STAG2: variants seen among roughly 807,000 people sequenced by gnomAD.
The protein encoded by STAG2 is cohesin subunit SA-2.
Under a neutral mutation model 108.1 loss-of-function variants are expected in STAG2, and 14 were observed. That is an observed-to-expected ratio of 0.13 (90% CI 0.09 to 0.20). The LOEUF (loss-of-function observed/expected upper bound fraction) is 0.20, where lower values mean the gene tolerates loss of function less well. Ranked by LOEUF, STAG2 falls within the 10% of genes least tolerant of loss-of-function variation. The pLI is 1.00. For synonymous variants in STAG2, 307 were observed against 302.7 expected, an observed-to-expected ratio of 1.01 and a Z score of -0.15; for missense variants, 440 against 940.9, an observed-to-expected ratio of 0.47 and a Z score of 6.96.
chrX:124,067,540 C>T (rs754276305), intron 23 of STAG2, among the ~76,000 whole-genome samples: 1 of 111,106 alleles, frequency 9.0e-6, no homozygotes, highest in South Asian at 3.8e-4. Flanking sequence ...GCTGGGATTA[C>T]AAGCCTGAGC....
chrX:123,998,791 A>C (rs1034009638), intron 1 of STAG2, among the ~76,000 whole-genome samples: 1 of 111,906 alleles, frequency 8.9e-6, no homozygotes, highest in Non-Finnish European at 1.9e-5. Context: ...GTATATGTAC[A>C]TTGTAGAAAA....
chrX:124,053,092 C>A (rs908315451), intron 13 of STAG2, among the ~76,000 whole-genome samples: 1 of 112,033 alleles, frequency 8.9e-6, no homozygotes, highest in African/African-American at 3.2e-5. Context: ...GCTGGGATTA[C>A]AGGCATGAGC....
At chrX:124,043,324 G>T (rs1269746075) in intron 7 of STAG2, among the ~76,000 whole-genome samples, 2 of 109,068 alleles carry the variant, frequency 1.8e-5, no homozygotes, top group African/African-American at 6.7e-5. Flanking sequence ...AGACATGGTG[G>T]GGGGTGGTGG....
At chrX:123,991,738 C>T (rs762275669) in intron 1 of STAG2, among the ~76,000 whole-genome samples, 46 of 109,436 alleles carry the variant, frequency 4.2e-4, no homozygotes, top group African/African-American at 1.4e-3. Flanking sequence ...GATCTCGGCT[C>T]ACCGCAACCT....
chrX:124,063,040 T>A, intron 18 of STAG2, 46 bp downstream of exon 18: 4 of 1,169,318 alleles, frequency 3.4e-6, no homozygotes, highest in Non-Finnish European at 4.7e-6. Context: ...ATGAGTTTTT[T>A]TTCCCTAAAT....
chrX:124,083,618 G>C, intron 29 of STAG2, 69 bp downstream of exon 29: 2 of 909,915 alleles, frequency 2.2e-6, no homozygotes, highest in Non-Finnish European at 1.5e-6. Context: ...TTTATACTTG[G>C]TTTCTCTCCT....
At chrX:123,968,875 G>A (rs999171107) in intron 1 of STAG2, among the ~76,000 whole-genome samples, 6 of 111,438 alleles carry the variant, frequency 5.4e-5, no homozygotes, top group African/African-American at 1.3e-4. Context: ...CATTTTACAC[G>A]TGGGGAAATT....
intron 1 of STAG2, among the ~76,000 whole-genome samples, chrX:123,998,587 CATCTATCT>C (rs61659958): frequency 0.14 from 12,260 of 88,277 alleles, 940 homozygotes; most frequent in African/African-American, 0.26. Flanking sequence ...TCTGTCTATC[CATCTATCT>C]ATCTATCTAT....
At chrX:124,088,016 C>T (rs1440209322) in intron 30 of STAG2, among the ~76,000 whole-genome samples, 2 of 112,053 alleles carry the variant, frequency 1.8e-5, no homozygotes, top group African/African-American at 6.5e-5. Flanking sequence ...GTAGTTAGGG[C>T]TGATGGTTTA....
rs756459742 is a variant in STAG2, at chrX:124,038,484, A to G, written c.385+861A>G. Among the ~76,000 whole-genome samples, 3 of 111,088 alleles carry G rather than the reference A, an allele frequency of 2.7e-5. No homozygotes were observed. The East Asian group carries it at 8.4e-4, about 31-fold the overall frequency. On this transcript the variant is annotated intron_variant, in intron 6 of 34. Transcript: ENST00000371145. Reference sequence around the variant, plus strand: ...AATTGGGAGAGGAAGTTGCTTAAAAATAGATATAAAACGTTAAGATGGTAA... The same window carrying G: ...AATTGGGAGAGGAAGTTGCTTAAAAGTAGATATAAAACGTTAAGATGGTAA...
intron 19 of STAG2, 73 bp downstream of exon 19, chrX:124,063,278 A>G (rs2058433996): frequency 1.3e-6 from 1 of 794,259 alleles, no homozygotes. Context: ...GTTTGTTTAT[A>G]TTTCTTAAAA....
intron 30 of STAG2, among the ~76,000 whole-genome samples, chrX:124,088,763 C>G (rs1284640642): frequency 9.3e-6 from 1 of 107,841 alleles, no homozygotes; most frequent in South Asian, 4.1e-4. Context: ...TACAGGCATG[C>G]GCCACCACAC....
intron 33 of STAG2, among the ~76,000 whole-genome samples, chrX:124,095,029 G>A (rs2059343975): frequency 9.1e-6 from 1 of 110,476 alleles, no homozygotes; most frequent in Non-Finnish European, 1.9e-5. Flanking sequence ...CTGGGTTCAC[G>A]CCATTCTCCT....
At chrX:123,989,607 C>CT (rs754131782) in intron 1 of STAG2, among the ~76,000 whole-genome samples, 2,008 of 96,694 alleles carry the variant, frequency 0.021, 11 homozygotes, top group African/African-American at 0.03. Context: ...TTTTTTCTTT[C>CT]TTTTTTTTTT....
chrX:124,072,904 C>CT (rs779996801), intron 25 of STAG2, among the ~76,000 whole-genome samples: 5,855 of 72,632 alleles, frequency 0.081, 328 homozygotes, highest in Non-Finnish European at 0.12. Context: ...TTCTTTCTTT[C>CT]TTTTTTTTTT....
At chrX:124,015,887 A>G (rs923450022) in intron 1 of STAG2, among the ~76,000 whole-genome samples, 3 of 111,459 alleles carry the variant, frequency 2.7e-5, no homozygotes, top group Non-Finnish European at 5.6e-5. Context: ...AAACTAAACA[A>G]CAGACTTCTG....
At chrX:124,093,525 G>A (rs933157786) in intron 32 of STAG2, among the ~76,000 whole-genome samples, 3 of 99,628 alleles carry the variant, frequency 3.0e-5, no homozygotes, top group African/African-American at 1.1e-4. Context: ...AGCCTGTCAC[G>A]TAGTAGGCAT....
intron 4 of STAG2, among the ~76,000 whole-genome samples, chrX:124,028,833 T>A (rs1250542343): frequency 3.0e-5 from 3 of 99,325 alleles, no homozygotes; most frequent in Non-Finnish European, 4.0e-5. Context: ...TTTTTTTTTT[T>A]ATAGAGATGG....
At chrX:124,029,359 G>A (rs1389642691) in intron 4 of STAG2, among the ~76,000 whole-genome samples, 1 of 109,422 alleles carries the variant, frequency 9.1e-6, no homozygotes, top group African/African-American at 3.3e-5. Context: ...CACCCAGGCT[G>A]GAGTGCAGTG....
Sources: allele counts gnomAD v4.1 joint callset (sites outside exome capture counted in the v4.1 genomes callset), GRCh38; gene constraint gnomAD v4.1.1; transcripts MANE v1.5; gene names NCBI Gene and HGNC (gene_info 2026-07-23, HGNC 2026-07-21).